The following NUMBL variants were observed in gnomAD, a reference collection of about 807,000 sequenced individuals.
NUMBL encodes numb-like protein.
NUMBL carries 20 observed loss-of-function variants against 48.9 expected under a neutral mutation model. The observed-to-expected ratio is 0.41, with a 90% CI of 0.29 to 0.59. NUMBL has a LOEUF of 0.59. Among genes scored for constraint, NUMBL ranks in the 20% least tolerant of loss-of-function variants. The probability of loss-of-function intolerance (pLI) is 0.31; values close to 1 mark genes in which losing one functional copy is unlikely to be tolerated. For synonymous variants in NUMBL, 340 were observed against 348.7 expected, an observed-to-expected ratio of 0.98 and a Z score of 0.28; for missense variants, 660 against 846.2, an observed-to-expected ratio of 0.78 and a Z score of 2.73.
chr19:40,667,578 A>G lies in NUMBL; in HGVS notation c.1720T>C (p.Leu574=), dbSNP rs2081817407. ...PEPAPAPAPE[L]DPFEAQWAAL... ...GCCCACTGGGCCTCAAAGGGGTCCA[A>G]CTCTGGAGCTGGGGCAGGCGCTGGC... Residue 574 remains leucine (L), a synonymous_variant, in exon 10 of 10, where the codon TTG becomes CTG. Transcript: ENST00000252891. This position sits in a 1 kb window ranked among gnomAD's most constrained non-coding sequence, Gnocchi z 6.1. 3 of 1,556,924 alleles carry G rather than the reference A, an allele frequency of 1.9e-6. No individual in the cohort carries two copies. The highest frequency in any genetic ancestry group is 1.9e-5 in the Admixed American group (1 of 51,350).
intron 2 of NUMBL, 121 bp downstream of exon 2, chr19:40,686,790 C>T (rs771444596): frequency 1.6e-5 from 11 of 679,588 alleles, no homozygotes; most frequent in Non-Finnish European, 2.9e-5. Flanking sequence ...AGGAAGATGC[C>T]TGAGGGTGTC....
intron 6 of NUMBL, among the ~76,000 whole-genome samples, chr19:40,678,766 T>C (rs938068387): frequency 3.9e-4 from 59 of 152,104 alleles, no homozygotes; most frequent in African/African-American, 1.4e-3. Context: ...ATGGTGTGCA[T>C]GCTGAAGTAG....
chr19:40,686,512 C>T (rs10401344), intron 2 of NUMBL, among the ~76,000 whole-genome samples: 45,459 of 151,874 alleles, frequency 0.3, 7,275 homozygotes, highest in African/African-American at 0.4. Flanking sequence ...ATCCAGCGAG[C>T]GTCTGTGGTC....
chr19:40,681,397 A>C (rs2081904522), intron 5 of NUMBL, among the ~76,000 whole-genome samples: 1 of 152,204 alleles, frequency 6.6e-6, no homozygotes, highest in Non-Finnish European at 1.5e-5. Context: ...GCAGGTACTA[A>C]CTAAGAAAAA....
At position 40,686,909 on chromosome 19, in the gene NUMBL, A is replaced by T; in HGVS notation, c.109+2T>A. ...CTGCCCTGTCCCAGGCTGGTCGCTC[A>T]CCTGGCTCCGTCCTGCAGGTTTCTG... is the stretch of plus-strand genomic sequence containing the variant. On this transcript the variant is annotated splice_donor_variant, in intron 2 of 9. Transcript: ENST00000252891. LOFTEE classifies it high-confidence loss of function. 1 of 1,537,420 alleles carries T rather than the reference A, an allele frequency of 6.5e-7. No individual in the cohort carries two copies. The highest frequency in any genetic ancestry group is 8.8e-7 in the Non-Finnish European group (1 of 1,134,628).
At chr19:40,674,293 C>T (rs1481395542) in intron 7 of NUMBL, among the ~76,000 whole-genome samples, 1 of 152,190 alleles carries the variant, frequency 6.6e-6, no homozygotes, top group South Asian at 2.1e-4. Context: ...TCAAGTAGCT[C>T]CTCCCTTCCT....
chr19:40,677,362 C>G lies in NUMBL; in HGVS notation c.600G>C (p.Gln200His). The G allele has an allele frequency of 6.2e-7, 1 of 1,612,094 alleles. No individual in the cohort carries two copies. The highest frequency in any genetic ancestry group is 8.5e-7 in the Non-Finnish European group (1 of 1,179,958). Residue 200 changes from glutamine to histidine, a missense_variant, in exon 7 of 10, where the codon CAG (glutamine) becomes CAC (histidine). By Grantham distance (24) the Gln-to-His change is conservative. Around this residue, in one of 3 missense-constraint regions of NUMBL, gnomAD observed 278 missense variants for 420.6 expected, o/e 0.66. Coordinates refer to ENST00000252891, the MANE Select transcript of NUMBL (RefSeq NM_004756.5). ...TGACCCCACATTCCTTCTCCCGTCG[C>G]TGTTTTCGCTCCAGGCAGGCGGCAA... ...CAFAACLERK[Q>H]RREKECGVTA...
At chr19:40,679,508 A>G (rs2081894340) in intron 6 of NUMBL, among the ~76,000 whole-genome samples, 1 of 152,066 alleles carries the variant, frequency 6.6e-6, no homozygotes, top group Admixed American at 6.6e-5. Context: ...GAGAAACCCC[A>G]TCTCTACTAA....
intron 1 of NUMBL, 119 bp downstream of exon 1, chr19:40,690,341 C>T: frequency 1.8e-6 from 1 of 555,806 alleles, no homozygotes; most frequent in Non-Finnish European, 2.7e-6. Context: ...CCACCCGGGA[C>T]CACCCTCTCC....
intron 2 of NUMBL, chr19:40,685,549 A>G (rs556044979): frequency 6.5e-6 from 1 of 153,970 alleles, no homozygotes; most frequent in South Asian, 2.1e-4. Context: ...GCTGAAGGGC[A>G]TCGATGTCTG....
chr19:40,690,386 G>A (rs1002549972), intron 1 of NUMBL, 74 bp downstream of exon 1: 1 of 912,672 alleles, frequency 1.1e-6, no homozygotes, highest in Non-Finnish European at 1.4e-6. Context: ...GGGCGCCGCG[G>A]CCGCCTCCCA....
At chr19:40,680,468 A>G (rs1019807668) in intron 6 of NUMBL, among the ~76,000 whole-genome samples, 9 of 145,058 alleles carry the variant, frequency 6.2e-5, no homozygotes, top group African/African-American at 1.8e-4. Flanking sequence ...TTTTTTTTTG[A>G]GATGGAGTCT....
chr19:40,670,540 C>T (rs573208699), intron 8 of NUMBL, among the ~76,000 whole-genome samples: 9 of 152,018 alleles, frequency 5.9e-5, no homozygotes, highest in Non-Finnish European at 1.3e-4. Flanking sequence ...GGCATGGCGG[C>T]CCCGTGAGGG....
At chr19:40,669,641 T>C (rs1307872509) in intron 9 of NUMBL, among the ~76,000 whole-genome samples, 2 of 152,024 alleles carry the variant, frequency 1.3e-5, no homozygotes, top group Non-Finnish European at 2.9e-5. Context: ...CCCGTGGCTC[T>C]AAGATGATCC....
intron 6 of NUMBL, among the ~76,000 whole-genome samples, chr19:40,679,702 T>C (rs1449037390): frequency 6.6e-6 from 1 of 151,900 alleles, no homozygotes; most frequent in African/African-American, 2.4e-5. Flanking sequence ...AACACAACAT[T>C]ACACTAAGTA....
At chr19:40,684,075 T>TTG (rs1001399576) in intron 3 of NUMBL, 5 of 177,536 alleles carry the variant, frequency 2.8e-5, no homozygotes, top group African/African-American at 1.2e-4. Flanking sequence ...CAAGTTTTTT[T>TTG]TTTTTTTTTT....
intron 6 of NUMBL, among the ~76,000 whole-genome samples, chr19:40,678,783 G>A (rs1033438647): frequency 1.3e-5 from 2 of 152,166 alleles, no homozygotes; most frequent in African/African-American, 2.4e-5. Flanking sequence ...GTAGTCCAAT[G>A]CCTACAAATT....
chr19:40,669,938 A>T lies in NUMBL; in HGVS notation c.1119T>A (p.Ser373Arg). Residue 373 changes from serine to arginine, a missense_variant, in exon 9 of 10, where the codon AGT (serine) becomes AGA (arginine). By Grantham distance (110) the Ser-to-Arg change is moderately radical. Coordinates refer to ENST00000252891, the MANE Select transcript of NUMBL (RefSeq NM_004756.5). Reference protein sequence around the residue: ...LCTQISSSFASAGAPAPGPPP... With the variant: ...LCTQISSSFARAGAPAPGPPP... ...GTGGCCCTGGTGCTGGCGCTCCAGCACTGGCAAAAGATGAACTGATCTGTG... is the reference window on the plus strand; with the variant it reads ...GTGGCCCTGGTGCTGGCGCTCCAGCTCTGGCAAAAGATGAACTGATCTGTG... 1 of 1,614,064 alleles carries T rather than the reference A, an allele frequency of 6.2e-7. No individual in the cohort carries two copies. Among genetic ancestry groups the T allele is most frequent in the Admixed American group, 1.7e-5 (1 of 60,006 alleles).
At chr19:40,683,030 G>A in intron 3 of NUMBL, 62 bp from the exon 4 acceptor site, 2 of 1,417,142 alleles carry the variant, frequency 1.4e-6, no homozygotes, top group Non-Finnish European at 2.0e-6. Context: ...CATTCTCAGT[G>A]TCCACTGAGC....
Sources: allele counts gnomAD v4.1 joint callset (sites outside exome capture counted in the v4.1 genomes callset), GRCh38; gene constraint gnomAD v4.1.1; regional missense constraint gnomAD v4.1.1; non-coding constraint Gnocchi (gnomAD v3.1); transcripts MANE v1.5; gene names NCBI Gene and HGNC (gene_info 2026-07-23, HGNC 2026-07-21).